Variants in SLC38A11 observed in about 807,000 individuals in gnomAD.
The protein encoded by SLC38A11 is solute carrier family 38 member 11, also known as putative sodium-coupled neutral amino acid transporter 11.
Under a neutral mutation model 49.4 loss-of-function variants are expected in SLC38A11, and 51 were observed. The observed-to-expected ratio is 1.03, with a 90% CI of 0.83 to 1.30. The LOEUF is 1.30. SLC38A11 is among the 50% of genes most tolerant of loss of function. SLC38A11 has a pLI of 0.00. For missense variants in SLC38A11, 574 were observed against 556.2 expected (o/e 1.03, Z -0.32); for synonymous variants, 203 against 192.9 (o/e 1.05, Z -0.43).
At chr2:164,920,208 A>T (rs1341490274) in intron 7 of SLC38A11, among the ~76,000 whole-genome samples, 1 of 146,334 alleles carries the variant, frequency 6.8e-6, no homozygotes, top group Non-Finnish European at 1.5e-5. Flanking sequence ...TGGGGGGTGG[A>T]GGTTGCAGTG....
At chr2:164,910,582 C>T (rs1359692415) in intron 10 of SLC38A11, among the ~76,000 whole-genome samples, 7 of 152,086 alleles carry the variant, frequency 4.6e-5, no homozygotes, top group Non-Finnish European at 8.8e-5. Flanking sequence ...AAACATTTCC[C>T]TCTTCTGTTT....
intron 3 of SLC38A11, among the ~76,000 whole-genome samples, chr2:164,946,693 C>T (rs954107808): frequency 1.3e-5 from 2 of 151,908 alleles, no homozygotes; most frequent in East Asian, 1.9e-4. Context: ...ATGGTTTTTA[C>T]GGAAAGACAC....
chr2:164,927,522 C>G (rs536031062), intron 7 of SLC38A11, among the ~76,000 whole-genome samples: 59 of 152,136 alleles, frequency 3.9e-4, no homozygotes, highest in African/African-American at 1.4e-3. Context: ...GGTAGCTCCC[C>G]CAGCGAATGG....
At chr2:164,932,687 C>G (rs1014231380) in intron 7 of SLC38A11, among the ~76,000 whole-genome samples, 1 of 151,936 alleles carries the variant, frequency 6.6e-6, no homozygotes, top group Non-Finnish European at 1.5e-5. Context: ...TAAAAGATCA[C>G]AACACATGGA....
At chr2:164,911,047 T>G (rs1685363917) in intron 10 of SLC38A11, among the ~76,000 whole-genome samples, 1 of 151,888 alleles carries the variant, frequency 6.6e-6, no homozygotes, top group South Asian at 2.1e-4. Context: ...TTAGTTTATG[T>G]TATGTATAGT....
At chr2:164,914,812 A>G (rs1685655929) in intron 9 of SLC38A11, among the ~76,000 whole-genome samples, 1 of 152,054 alleles carries the variant, frequency 6.6e-6, no homozygotes, top group Non-Finnish European at 1.5e-5. Flanking sequence ...TTTGCTCTGA[A>G]GATTGGGAGG....
At chr2:164,932,028 AC>A (rs1687038741) in intron 7 of SLC38A11, among the ~76,000 whole-genome samples, 1 of 152,212 alleles carries the variant, frequency 6.6e-6, no homozygotes, top group Admixed American at 6.5e-5. Context: ...TATGCATCTG[AC>A]AAAGGTCTAA....
chr2:164,911,626 C>T lies in SLC38A11; in HGVS notation c.963+10G>A, dbSNP rs201068627. 3,781 of 1,466,112 alleles carry T rather than the reference C, an allele frequency of 2.6e-3. 9 individuals carry two copies. The highest frequency in any genetic ancestry group is 3.2e-3 in the Non-Finnish European group (3,377 of 1,067,348). 90.8% of individuals were successfully genotyped at this position (1,466,112 alleles called of 1,614,324 possible). ...ACCTGGGTAAAGCGTTGGGAAGGAA[C>T]CGCGCTTACCTCTCTTGTCACAAAG... On this transcript the variant is annotated intron_variant, in intron 10 of 11. Transcript: ENST00000685975.
At chr2:164,925,970 C>T (rs1686549577) in intron 7 of SLC38A11, among the ~76,000 whole-genome samples, 1 of 152,104 alleles carries the variant, frequency 6.6e-6, no homozygotes, top group Non-Finnish European at 1.5e-5. Context: ...ACTCCTGTAC[C>T]CTTAGTGCCT....
intron 5 of SLC38A11, among the ~76,000 whole-genome samples, chr2:164,940,990 C>T (rs971463922): frequency 4.6e-5 from 7 of 151,958 alleles, no homozygotes; most frequent in Non-Finnish European, 1.0e-4. Context: ...ACCCTTTAAA[C>T]GTTTTGCTTC....
intron 11 of SLC38A11, among the ~76,000 whole-genome samples, chr2:164,902,433 A>G (rs139965178): frequency 8.5e-5 from 13 of 152,312 alleles, no homozygotes; most frequent in African/African-American, 2.9e-4. Flanking sequence ...ATGTAATATT[A>G]CTTTACAACT....
rs1684393247 is a variant in SLC38A11, at chr2:164,897,241, G to A, written c.*1196C>T. 6.6e-6 allele frequency: 1 copy of A among 152,162 alleles called. No individual in the cohort carries two copies. Among genetic ancestry groups the A allele is most frequent in the South Asian group, 2.1e-4 (1 of 4,830 alleles). 9.4% of individuals were successfully genotyped at this position (152,162 alleles called of 1,614,324 possible). On this transcript the variant is annotated 3_prime_UTR_variant, in exon 12 of 12. Transcript: ENST00000685975. ...GAAGCATGTGGTGACAAAGCTATCAGTAGACCACCTCGAGCTCTCAGTTCC... is the reference window on the plus strand; with the variant it reads ...GAAGCATGTGGTGACAAAGCTATCAATAGACCACCTCGAGCTCTCAGTTCC...
intron 5 of SLC38A11, among the ~76,000 whole-genome samples, chr2:164,941,023 G>C (rs760996212): frequency 2.0e-5 from 3 of 152,008 alleles, no homozygotes; most frequent in African/African-American, 4.8e-5. Flanking sequence ...CTAAGGGCTA[G>C]ATAAACGCTG....
intron 7 of SLC38A11, among the ~76,000 whole-genome samples, chr2:164,935,747 G>A (rs1052358145): frequency 3.9e-5 from 6 of 151,952 alleles, no homozygotes; most frequent in Admixed American, 1.3e-4. Context: ...GCGTCCCTCC[G>A]AATTTATATG....
intron 7 of SLC38A11, among the ~76,000 whole-genome samples, chr2:164,931,895 A>G (rs1340948451): frequency 6.6e-6 from 1 of 152,190 alleles, no homozygotes; most frequent in East Asian, 1.9e-4. Context: ...GCCAAAGGCA[A>G]TTGCAACAAA....
chr2:164,930,386 C>G (rs1251490633), intron 7 of SLC38A11, among the ~76,000 whole-genome samples: 1 of 152,126 alleles, frequency 6.6e-6, no homozygotes, highest in African/African-American at 2.4e-5. Context: ...AGGGGCTCCT[C>G]CCTAACTCAT....
chr2:164,919,082 A>T (rs1344097734), intron 7 of SLC38A11, among the ~76,000 whole-genome samples: 1 of 152,204 alleles, frequency 6.6e-6, no homozygotes, highest in Non-Finnish European at 1.5e-5. Context: ...CACGCCTGAA[A>T]TCCCTGCACT....
chr2:164,922,868 C>A (rs963566334), intron 7 of SLC38A11, among the ~76,000 whole-genome samples: 37 of 152,082 alleles, frequency 2.4e-4, no homozygotes, highest in African/African-American at 8.4e-4. Flanking sequence ...TACTAGTACA[C>A]AAACAGACAC....
At chr2:164,951,614 G>GA (rs1219444403) in intron 3 of SLC38A11, among the ~76,000 whole-genome samples, 4 of 152,162 alleles carry the variant, frequency 2.6e-5, no homozygotes, top group African/African-American at 7.2e-5. Flanking sequence ...GTCAGCCTGA[G>GA]AAAAAATAGC....
Sources: allele counts gnomAD v4.1 joint callset (sites outside exome capture counted in the v4.1 genomes callset), GRCh38; gene constraint gnomAD v4.1.1; transcripts MANE v1.5; gene names NCBI Gene and HGNC (gene_info 2026-07-23, HGNC 2026-07-21).